GRB14: variants seen among roughly 807,000 people sequenced by gnomAD.
GRB14 encodes the protein growth factor receptor bound protein 14, also known as growth factor receptor-bound protein 14.
GRB14 carries 38 observed loss-of-function variants against 69.1 expected under a neutral mutation model. The observed-to-expected ratio is 0.55, with a 90% CI of 0.42 to 0.72. The LOEUF is 0.72. GRB14 is among the 30% of genes least tolerant of loss of function. The pLI, the probability that GRB14 is intolerant of heterozygous loss-of-function variation, is 0.00. For synonymous variants in GRB14, 247 were observed against 241.3 expected, an observed-to-expected ratio of 1.02 and a Z score of -0.22; for missense variants, 666 against 666.1, an observed-to-expected ratio of 1.00 and a Z score of 0.00.
At chr2:164,498,236 C>G (rs1019953406) in intron 9 of GRB14, among the ~76,000 whole-genome samples, 1 of 152,012 alleles carries the variant, frequency 6.6e-6, no homozygotes, top group African/African-American at 2.4e-5. Context: ...CAAAAATAAG[C>G]CTGAATAAGA....
chr2:164,576,419 CTT>C (rs1341628700), intron 2 of GRB14, among the ~76,000 whole-genome samples: 1 of 151,220 alleles, frequency 6.6e-6, no homozygotes, highest in East Asian at 1.9e-4. Flanking sequence ...TAAAAAAAAA[CTT>C]GATCACATTG....
At chr2:164,549,731 G>A (rs1431399480) in intron 2 of GRB14, among the ~76,000 whole-genome samples, 1 of 151,930 alleles carries the variant, frequency 6.6e-6, no homozygotes, top group Admixed American at 6.6e-5. Flanking sequence ...GGGCATGGTG[G>A]TACATGCCTG....
intron 9 of GRB14, among the ~76,000 whole-genome samples, chr2:164,500,525 C>G (rs1051088540): frequency 6.6e-6 from 1 of 151,924 alleles, no homozygotes; most frequent in Non-Finnish European, 1.5e-5. Context: ...TCTTTTAGGC[C>G]CCTGATTCTT....
At chr2:164,509,151 A>C (rs1360021327) in intron 6 of GRB14, among the ~76,000 whole-genome samples, 3 of 152,232 alleles carry the variant, frequency 2.0e-5, no homozygotes, top group Non-Finnish European at 4.4e-5. Flanking sequence ...AAGGAATCTG[A>C]GAGAGAAAAA....
chr2:164,567,763 C>A (rs529370325), intron 2 of GRB14, among the ~76,000 whole-genome samples: 1 of 152,238 alleles, frequency 6.6e-6, no homozygotes, highest in Admixed American at 6.5e-5. Context: ...TAACAGAAAG[C>A]CCTTTCACAG....
intron 12 of GRB14, among the ~76,000 whole-genome samples, chr2:164,495,283 AC>A (rs1459562373): frequency 6.6e-6 from 1 of 152,086 alleles, no homozygotes; most frequent in African/African-American, 2.4e-5. Flanking sequence ...TATACTGGAT[AC>A]CCTTTCTTTT....
At chr2:164,544,282 T>G (rs1340338000) in intron 3 of GRB14, among the ~76,000 whole-genome samples, 1 of 152,228 alleles carries the variant, frequency 6.6e-6, no homozygotes, top group Admixed American at 6.5e-5. Flanking sequence ...CCTGTGTGTT[T>G]TATTCCTTAA....
intron 2 of GRB14, among the ~76,000 whole-genome samples, chr2:164,549,889 A>C (rs940186907): frequency 1.5e-5 from 2 of 134,994 alleles, no homozygotes; most frequent in Admixed American, 7.1e-5. Context: ...AAAATAAAAT[A>C]AAATAAAATA....
chr2:164,511,929 T>G (rs951910551), intron 6 of GRB14, among the ~76,000 whole-genome samples: 1 of 152,068 alleles, frequency 6.6e-6, no homozygotes, highest in Non-Finnish European at 1.5e-5. Context: ...GTCCCAGACC[T>G]GGTGGCATTC....
chr2:164,571,973 T>G (rs559670965), intron 2 of GRB14, among the ~76,000 whole-genome samples: 46 of 152,352 alleles, frequency 3.0e-4, no homozygotes, highest in Middle Eastern at 3.4e-3. Flanking sequence ...TTTGTTTGAT[T>G]AACCTGCTTT....
intron 2 of GRB14, among the ~76,000 whole-genome samples, chr2:164,596,602 A>G (rs1286378466): frequency 6.6e-6 from 1 of 152,236 alleles, no homozygotes; most frequent in Non-Finnish European, 1.5e-5. Context: ...TTGAGGAATT[A>G]CTTAAAGTAC....
At chr2:164,521,837 A>T (rs1687641343) in intron 6 of GRB14, 143 bp downstream of exon 6, 1 of 693,762 alleles carries the variant, frequency 1.4e-6, no homozygotes, top group Non-Finnish European at 2.4e-6. Context: ...TGTTTAAATA[A>T]TCAAGGCAAA....
At chr2:164,526,150 T>C (rs1687768788) in intron 4 of GRB14, among the ~76,000 whole-genome samples, 1 of 152,118 alleles carries the variant, frequency 6.6e-6, no homozygotes, top group African/African-American at 2.4e-5. Flanking sequence ...GATCATCCCA[T>C]TATGTTTCTA....
rs907783940 is a variant in GRB14 at position 164,509,804 on chromosome 2, A to C, written c.817-952T>G. ...TTGAGAAGCAGTGGAAAAAAAAAAA[A>C]AAAAAAAAACACCCCACAGAAGAAC... On this transcript the variant is annotated intron_variant, in intron 6 of 13. Coordinates refer to ENST00000263915, the MANE Select transcript of GRB14 (RefSeq NM_004490.3). Among the ~76,000 whole-genome samples, 3 of 151,264 alleles carry C rather than the reference A, an allele frequency of 2.0e-5. No homozygotes were observed. The East Asian group carries it at 5.8e-4, about 29-fold the overall frequency.
intron 2 of GRB14, among the ~76,000 whole-genome samples, chr2:164,553,518 T>C (rs927976092): frequency 1.3e-5 from 2 of 152,252 alleles, no homozygotes; most frequent in Admixed American, 1.3e-4. Context: ...TACACGTTCA[T>C]CTATGAATAA....
At chr2:164,510,984 A>C (rs2105269608) in intron 6 of GRB14, among the ~76,000 whole-genome samples, 1 of 152,178 alleles carries the variant, frequency 6.6e-6, no homozygotes, top group African/African-American at 2.4e-5. Context: ...TTTGCATTGA[A>C]CTCAGTGCTG....
At chr2:164,609,309 A>G (rs577266847) in intron 2 of GRB14, among the ~76,000 whole-genome samples, 2 of 152,294 alleles carry the variant, frequency 1.3e-5, no homozygotes, top group African/African-American at 4.8e-5. Context: ...CCTAATTCTG[A>G]ACAATTCTGT....
At chr2:164,613,141 G>A (rs992277267) in intron 2 of GRB14, among the ~76,000 whole-genome samples, 5 of 152,140 alleles carry the variant, frequency 3.3e-5, no homozygotes, top group African/African-American at 9.7e-5. Flanking sequence ...TATGCTTCAC[G>A]TACATTAAGT....
intron 2 of GRB14, among the ~76,000 whole-genome samples, chr2:164,572,665 T>C (rs1185138503): frequency 6.6e-6 from 1 of 152,198 alleles, no homozygotes; most frequent in Non-Finnish European, 1.5e-5. Context: ...ATACACCAGT[T>C]TATTCAAACT....
Sources: allele counts gnomAD v4.1 joint callset (sites outside exome capture counted in the v4.1 genomes callset), GRCh38; gene constraint gnomAD v4.1.1; transcripts MANE v1.5; gene names NCBI Gene and HGNC (gene_info 2026-07-23, HGNC 2026-07-21).